FGD2: variants seen among roughly 807,000 people sequenced by gnomAD.
The protein encoded by FGD2 is FYVE, RhoGEF and PH domain-containing protein 2.
FGD2 carries 52 observed loss-of-function variants against 75.9 expected under a neutral mutation model. The ratio of observed to expected loss-of-function variants is 0.69; its 90% confidence interval spans 0.55 to 0.86. The LOEUF is 0.86. Ranked by LOEUF, FGD2 falls within the 40% of genes least tolerant of loss-of-function variation. The pLI is 0.00. For missense variants in FGD2, 790 were observed against 872.0 expected (o/e 0.91, Z 1.18); for synonymous variants, 347 against 348.6 (o/e 1.00, Z 0.05).
chr6:37,015,056 G>A lies in FGD2; in HGVS notation c.1029+18G>A, dbSNP rs1437002275. Reference sequence around the variant, plus strand: ...TTTTCTTGGTAAGAGGGTGCTGGGAGCTCCTCTCCACACTGGGGAGGGAAG... The same window carrying A: ...TTTTCTTGGTAAGAGGGTGCTGGGAACTCCTCTCCACACTGGGGAGGGAAG... On this transcript the variant is annotated intron_variant, in intron 8 of 15. Transcript: ENST00000274963. 2 of 1,608,008 alleles carry A rather than the reference G, an allele frequency of 1.2e-6. No individual in the cohort carries two copies. Among genetic ancestry groups the A allele is most frequent in the Non-Finnish European group, 1.7e-6 (2 of 1,177,222 alleles).
At chr6:37,026,289 C>T (rs776215141) in intron 14 of FGD2, 32 of 985,306 alleles carry the variant, frequency 3.2e-5, no homozygotes, top group Middle Eastern at 5.2e-4. Flanking sequence ...CTGGTGTCAC[C>T]GCTTCCATTT....
At chr6:37,027,372 C>G in intron 14 of FGD2, 57 bp from the exon 15 acceptor site, 1 of 1,555,540 alleles carries the variant, frequency 6.4e-7, no homozygotes, top group Non-Finnish European at 8.7e-7. Flanking sequence ...GCCCCCAGAC[C>G]AACATCTGGC....
chr6:37,011,336 A>G (rs984384329), intron 3 of FGD2: 1 of 562,678 alleles, frequency 1.8e-6, no homozygotes, highest in Non-Finnish European at 3.2e-6. Flanking sequence ...TGTCATCTCA[A>G]TGCCCACAAC....
Position 37,015,854 on chromosome 6 carries a change from G to A in FGD2, c.1116G>A (p.Gly372=), listed in dbSNP as rs1375330321. The change falls in exon 9 of 16, where the codon GGG becomes GGA. Residue 372 remains glycine (G), a synonymous_variant. Coordinates refer to ENST00000274963, the MANE Select transcript of FGD2 (RefSeq NM_173558.4). ...FQVRTRIDVA[G]MKVRELMDAE... is the part of the protein sequence containing the mutation. ...TGAGGACCCGCATCGATGTGGCCGGGATGAAGGTAAGAGGCCCCCTAAACA... is the reference window on the plus strand; with the variant it reads ...TGAGGACCCGCATCGATGTGGCCGGAATGAAGGTAAGAGGCCCCCTAAACA... 6.3e-7 allele frequency: 1 copy of A among 1,579,152 alleles called. No individual in the cohort carries two copies. Among genetic ancestry groups the A allele is most frequent in the Admixed American group, 1.9e-5 (1 of 53,548 alleles).
At chr6:37,026,971 G>T (rs1423596974) in intron 14 of FGD2, among the ~76,000 whole-genome samples, 2 of 151,604 alleles carry the variant, frequency 1.3e-5, no homozygotes, top group Non-Finnish European at 2.9e-5. Context: ...TTGCACCATT[G>T]CACTCCAGCC....
Position 37,025,923 on chromosome 6 carries a change from G to A in FGD2, c.1590G>A (p.Arg530=), listed in dbSNP as rs143562275. 2,236 of 1,614,152 alleles carry A rather than the reference G, an allele frequency of 1.4e-3. 23 individuals are homozygous for A. In the African/African-American group the frequency reaches 0.026, roughly 19 times the overall value. Residue 530 remains arginine, a synonymous_variant, in exon 14 of 16, where the codon AGG becomes AGA. Coordinates refer to ENST00000274963, the MANE Select transcript of FGD2 (RefSeq NM_173558.4). Reference sequence around the variant, plus strand: ...TGCCTGAGGCCAAGGAGGACAAGAGGCGGGGCATCCTGGAGGTGAGGGCCA... The same window carrying A: ...TGCCTGAGGCCAAGGAGGACAAGAGACGGGGCATCCTGGAGGTGAGGGCCA... The part of the protein sequence containing the change: ...NVLPEAKEDK[R]RGILEKGSSA...
chr6:37,011,163 A>G lies in FGD2; in HGVS notation c.378+113A>G. 2.9e-6 allele frequency: 3 copies of G among 1,051,808 alleles called. No homozygotes were observed. The East Asian group carries it at 7.7e-5, about 27-fold the overall frequency. 65.2% of individuals were successfully genotyped at this position (1,051,808 alleles called of 1,614,324 possible). On this transcript the variant is annotated intron_variant, in intron 3 of 15. Coordinates refer to ENST00000274963, the MANE Select transcript of FGD2 (RefSeq NM_173558.4). Reference sequence around the variant, plus strand: ...AGCTGAGTCAGGAGCCCTGGCTTTGACTCCAGGAAGCCTTGGCCCTTTAAC... The same window carrying G: ...AGCTGAGTCAGGAGCCCTGGCTTTGGCTCCAGGAAGCCTTGGCCCTTTAAC...
At position 37,015,847 on chromosome 6, in the gene FGD2, T is replaced by G. The variant is rs1349047025; in HGVS notation, c.1109T>G (p.Val370Gly). Reference protein sequence around the residue: ...AQFQVRTRIDVAGMKVRELMD... With the variant: ...AQFQVRTRIDGAGMKVRELMD... The stretch of plus-strand genomic sequence containing the variant: ...TTCCAGGTGAGGACCCGCATCGATG[T>G]GGCCGGGATGAAGGTAAGAGGCCCC... The change falls in exon 9 of 16, where the codon GTG (valine) becomes GGG (glycine). Residue 370 changes from valine (V) to glycine (G), a missense_variant. Transcript: ENST00000274963. The G allele has an allele frequency of 6.3e-7, 1 of 1,583,368 alleles. No individual in the cohort carries two copies. Among genetic ancestry groups the G allele is most frequent in the Non-Finnish European group, 8.6e-7 (1 of 1,165,140 alleles).
At chr6:37,017,474 C>T (rs541881315) in intron 9 of FGD2, among the ~76,000 whole-genome samples, 6 of 152,216 alleles carry the variant, frequency 3.9e-5, no homozygotes, top group Admixed American at 6.5e-5. Context: ...CAAAGGCTGG[C>T]GCTTCTGCGT....
chr6:37,009,285 G>A lies in FGD2; in HGVS notation c.300+220G>A, dbSNP rs144363659. On this transcript the variant is annotated intron_variant, in intron 2 of 15. Coordinates refer to ENST00000274963, the MANE Select transcript of FGD2 (RefSeq NM_173558.4). ...CTGGATTACTTCGCGAGTCCCTCGT[G>A]TAGGAGTTTTTTGGACAAGGAAGTT... 985 of 510,284 alleles carry A rather than the reference G, an allele frequency of 1.9e-3. 6 individuals are homozygous for A. The highest frequency in any genetic ancestry group is 0.017 in the African/African-American group (898 of 51,744). The allele number at this position is 510,284 out of a possible 1,614,324, so 31.6% of individuals were successfully genotyped here.
At position 37,027,615 on chromosome 6, in the gene FGD2, C is replaced by T. The variant is rs61343281; in HGVS notation, c.1752+40C>T. 1,012 of 1,611,392 alleles carry T rather than the reference C, an allele frequency of 6.3e-4. 3 individuals are homozygous for T. Among genetic ancestry groups the T allele is most frequent in the Middle Eastern group, 3.7e-3 (22 of 5,978 alleles). On this transcript the variant is annotated intron_variant, in intron 15 of 15. Coordinates refer to ENST00000274963, the MANE Select transcript of FGD2 (RefSeq NM_173558.4). ...TGCCCGCCCCCCGTCAGGCCCTGGC[C>T]TTCCCACAGCGTGTGTGTGAAGGGG...
intron 9 of FGD2, among the ~76,000 whole-genome samples, chr6:37,019,399 A>G (rs189428492): frequency 6.6e-6 from 1 of 152,342 alleles, no homozygotes. Flanking sequence ...GCTGCAGACT[A>G]GGCCTAACCT....
intron 9 of FGD2, among the ~76,000 whole-genome samples, chr6:37,017,474 C>A (rs541881315): frequency 2.6e-5 from 4 of 152,216 alleles, no homozygotes; most frequent in African/African-American, 9.7e-5. Context: ...CAAAGGCTGG[C>A]GCTTCTGCGT....
intron 1 of FGD2, 104 bp downstream of exon 1, chr6:37,005,989 C>G: frequency 7.7e-7 from 1 of 1,300,942 alleles, no homozygotes; most frequent in Non-Finnish European, 1.1e-6. Flanking sequence ...CCTCCTCCTG[C>G]AGGGGCAGCC....
Position 37,028,439 on chromosome 6 carries a change from G to C in FGD2, c.*276G>C. ...AGTGCTAAAACTGGGAAAGCCCCAG[G>C]TAACCCCGGACTGGTGGTCACCATA... On this transcript the variant is annotated 3_prime_UTR_variant, in exon 16 of 16. Transcript: ENST00000274963. 2.2e-6 allele frequency: 1 copy of C among 444,540 alleles called. No homozygotes were observed. The highest frequency in any genetic ancestry group is 4.0e-6 in the Non-Finnish European group (1 of 248,208). 27.5% of individuals were successfully genotyped at this position (444,540 alleles called of 1,614,324 possible).
intron 1 of FGD2, among the ~76,000 whole-genome samples, chr6:37,008,262 G>A (rs1764839730): frequency 6.6e-6 from 1 of 152,184 alleles, no homozygotes; most frequent in Non-Finnish European, 1.5e-5. Context: ...GAATTTGACT[G>A]GCTTGCAGAA....
chr6:37,019,177 C>A (rs1765447038), intron 9 of FGD2, among the ~76,000 whole-genome samples: 1 of 152,224 alleles, frequency 6.6e-6, no homozygotes, highest in African/African-American at 2.4e-5. Context: ...TGCACCTGGG[C>A]AGGCCAGGAC....
chr6:37,009,585 C>A (rs867761766), intron 2 of FGD2: 3 of 152,690 alleles, frequency 2.0e-5, no homozygotes, highest in African/African-American at 7.2e-5. Flanking sequence ...CATCCCAGCA[C>A]GTCTGCTTAC....
intron 9 of FGD2, among the ~76,000 whole-genome samples, chr6:37,019,017 T>A (rs995345405): frequency 3.9e-5 from 6 of 152,204 alleles, no homozygotes; most frequent in African/African-American, 1.4e-4. Context: ...AGGGGCAGCC[T>A]GGACCCTCAG....
Sources: allele counts gnomAD v4.1 joint callset (sites outside exome capture counted in the v4.1 genomes callset), GRCh38; gene constraint gnomAD v4.1.1; transcripts MANE v1.5; gene names NCBI Gene and HGNC (gene_info 2026-07-23, HGNC 2026-07-21).